The following CDCA8 variants were observed in gnomAD, a reference collection of about 807,000 sequenced individuals.
The protein encoded by CDCA8 is cell division cycle associated 8.
Under a neutral mutation model 40.0 loss-of-function variants are expected in CDCA8, and 25 were observed. The ratio of observed to expected loss-of-function variants is 0.63; its 90% CI spans 0.46 to 0.87. CDCA8 has a LOEUF of 0.87. CDCA8 is among the 40% of genes least tolerant of loss of function. The probability of loss-of-function intolerance (pLI) is 0.00; values close to 1 mark genes in which losing one functional copy is unlikely to be tolerated. For missense variants in CDCA8, 280 were observed against 348.4 expected, an observed-to-expected ratio of 0.80 and a Z score of 1.56; for synonymous variants, 111 against 126.5, an observed-to-expected ratio of 0.88 and a Z score of 0.82.
Position 37,707,013 on chromosome 1 carries a change from C to G in CDCA8, c.747C>G (p.His249Gln), listed in dbSNP as rs1194222539. Residue 249 changes from histidine to glutamine, a missense_variant, in exon 9 of 10, where the codon CAC becomes CAG. Transcript: ENST00000373055. ...TATTGGCCAGTGACTTGCAGAGGCACAGTATTGCCCAGCTGGATCCAGAGG... is the reference window on the plus strand; with the variant it reads ...TATTGGCCAGTGACTTGCAGAGGCAGAGTATTGCCCAGCTGGATCCAGAGG... The part of the protein sequence containing the change: ...LRLLASDLQR[H>Q]SIAQLDPEAL... The G allele has an allele frequency of 5.0e-6, 8 of 1,614,074 alleles. No homozygotes were observed. The highest frequency in any genetic ancestry group is 6.8e-6 in the Non-Finnish European group (8 of 1,180,016).
intron 7 of CDCA8, 68 bp downstream of exon 7, chr1:37,703,415 G>A: frequency 8.3e-7 from 1 of 1,201,698 alleles, no homozygotes; most frequent in Non-Finnish European, 1.2e-6. Flanking sequence ...GAGAAGGAGT[G>A]TCTAAGAAAA....
At position 37,692,548 on chromosome 1, in the gene CDCA8, G is replaced by GT. The variant is rs1240521082; in HGVS notation, c.-139dup. The GT allele has an allele frequency of 3.0e-6, 2 of 677,662 alleles. No homozygotes were observed. Among genetic ancestry groups the GT allele is most frequent in the African/African-American group, 3.6e-5 (2 of 55,656 alleles). 42.0% of individuals were successfully genotyped at this position (677,662 alleles called of 1,614,324 possible). A position where few individuals can be genotyped will look rare whatever the true frequency, so the allele number is the denominator to read the frequency against. On this transcript the variant is annotated 5_prime_UTR_variant, in exon 1 of 10. Coordinates refer to ENST00000373055, the MANE Select transcript of CDCA8 (RefSeq NM_001256875.2). ...CGCTCTCTCTCACTGGCACAGCGAG[G>GT]TTTTGCTCAGCCCTTGTCTCGGGAC...
chr1:37,702,618 G>T (rs893257480), intron 6 of CDCA8, among the ~76,000 whole-genome samples: 1 of 152,026 alleles, frequency 6.6e-6, no homozygotes, highest in African/African-American at 2.4e-5. Context: ...TTCCAGCTGG[G>T]GGAGCCTTCG....
chr1:37,699,331 A>T (rs1645547035), intron 4 of CDCA8, among the ~76,000 whole-genome samples: 1 of 152,236 alleles, frequency 6.6e-6, no homozygotes, highest in Non-Finnish European at 1.5e-5. Flanking sequence ...CAAGATTTAG[A>T]GAGGTGTTAA....
chr1:37,703,760 C>T (rs1459266911), intron 7 of CDCA8, among the ~76,000 whole-genome samples: 1 of 152,098 alleles, frequency 6.6e-6, no homozygotes, highest in African/African-American at 2.4e-5. Context: ...CCTGGGATGC[C>T]TTGTCAGAGG....
chr1:37,693,769 A>G (rs976754512), intron 2 of CDCA8, among the ~76,000 whole-genome samples: 15 of 152,210 alleles, frequency 9.9e-5, no homozygotes, highest in Non-Finnish European at 1.8e-4. Flanking sequence ...TGACATGGTT[A>G]GTTAACCAGA....
At chr1:37,703,872 T>TC (rs1645581205) in intron 7 of CDCA8, among the ~76,000 whole-genome samples, 2 of 152,218 alleles carry the variant, frequency 1.3e-5, no homozygotes, top group Non-Finnish European at 1.5e-5. Context: ...AGGTGAATAT[T>TC]CTGCCTGTGA....
chr1:37,703,284 T>C lies in CDCA8; in HGVS notation c.521T>C (p.Val174Ala). The change falls in exon 7 of 10, where the codon GTG (valine) becomes GCG (alanine). Residue 174 changes from valine to alanine, a missense_variant. Coordinates refer to ENST00000373055, the MANE Select transcript of CDCA8 (RefSeq NM_001256875.2). ...CGTGCTAACACTGTTACCCCAGCCGTGGGCCGATTGGAGGTGTCCATGGTC... is the reference window on the plus strand; with the variant it reads ...CGTGCTAACACTGTTACCCCAGCCGCGGGCCGATTGGAGGTGTCCATGGTC... ...SSRANTVTPAVGRLEVSMVKP... is the reference protein window; with the variant it reads ...SSRANTVTPAAGRLEVSMVKP... 1.2e-6 allele frequency: 2 copies of C among 1,613,928 alleles called. No homozygotes were observed. Among genetic ancestry groups the C allele is most frequent in the Non-Finnish European group, 1.7e-6 (2 of 1,179,958 alleles).
chr1:37,699,124 A>G (rs879111831), intron 4 of CDCA8, 147 bp downstream of exon 4: 6 of 601,062 alleles, frequency 1.0e-5, no homozygotes, highest in Non-Finnish European at 1.8e-5. Context: ...TTGCTTTTGG[A>G]TGGTGCATTT....
chr1:37,706,587 T>C (rs1268220229), intron 8 of CDCA8, among the ~76,000 whole-genome samples: 1 of 152,184 alleles, frequency 6.6e-6, no homozygotes, highest in Admixed American at 6.5e-5. Context: ...CACCGAGGTA[T>C]GCGCTTAGTC....
chr1:37,707,463 G>C (rs748233865), intron 9 of CDCA8, among the ~76,000 whole-genome samples: 1 of 152,204 alleles, frequency 6.6e-6, no homozygotes, highest in African/African-American at 2.4e-5. Context: ...CCTCTGGAGT[G>C]GTGGGGCCCA....
chr1:37,703,103 G>A (rs753190375), intron 6 of CDCA8, 149 bp from the exon 7 acceptor site: 8 of 697,390 alleles, frequency 1.1e-5, no homozygotes, highest in Non-Finnish European at 2.1e-5. Flanking sequence ...AGCAGTGCTG[G>A]CCTCCCGTGT....
Position 37,703,309 on chromosome 1 carries a change from C to G in CDCA8, c.546C>G (p.Val182=), listed in dbSNP as rs779585835. ...PAVGRLEVSM[V]KPTPGLTPRF... Reference sequence around the variant, plus strand: ...TGGGCCGATTGGAGGTGTCCATGGTCAAACCAACTCCAGGCCTGACACCCA... The same window carrying G: ...TGGGCCGATTGGAGGTGTCCATGGTGAAACCAACTCCAGGCCTGACACCCA... Residue 182 remains valine, a synonymous_variant, in exon 7 of 10, where the codon GTC becomes GTG. Coordinates refer to ENST00000373055, the MANE Select transcript of CDCA8 (RefSeq NM_001256875.2). The G allele has an allele frequency of 6.2e-7, 1 of 1,613,884 alleles. No homozygotes were observed. The highest frequency in any genetic ancestry group is 1.3e-5 in the African/African-American group (1 of 74,898).
At chr1:37,701,408 C>T (rs900805580) in intron 5 of CDCA8, among the ~76,000 whole-genome samples, 3 of 152,150 alleles carry the variant, frequency 2.0e-5, no homozygotes, top group African/African-American at 7.2e-5. Context: ...GGGAGCACTG[C>T]AGGGTTTGCC....
rs898152388 is a variant in CDCA8, at chr1:37,709,687, C to G, written c.*1321C>G. 6.6e-6 allele frequency: 1 copy of G among 152,142 alleles called. No homozygotes were observed. The highest frequency in any genetic ancestry group is 1.5e-5 in the Non-Finnish European group (1 of 68,024). The allele number at this position is 152,142 out of a possible 1,614,324, so 9.4% of individuals were successfully genotyped here. Reference sequence around the variant, plus strand: ...TCTAATCAGAGCTGGTACCTACTTTCAATAAATTCTGGTTTTGTGTTTTCT... The same window carrying G: ...TCTAATCAGAGCTGGTACCTACTTTGAATAAATTCTGGTTTTGTGTTTTCT... On this transcript the variant is annotated 3_prime_UTR_variant, in exon 10 of 10. Transcript: ENST00000373055.
rs1423444159 is a variant in CDCA8, at chr1:37,698,941, G to C, written c.301G>C (p.Ala101Pro). ...TATCACCGAAATAAACAAACTAACA[G>C]CAGAAGCTATTCAGACACCCCTGAA... is the stretch of plus-strand genomic sequence containing the variant. ...LDITEINKLT[A>P]EAIQTPLKSA... is the part of the protein sequence containing the mutation. Residue 101 changes from alanine (A) to proline (P), a missense_variant, in exon 4 of 10, where the codon GCA becomes CCA. By Grantham distance (27) the Ala-to-Pro change is conservative (BLOSUM62 -1). Coordinates refer to ENST00000373055, the MANE Select transcript of CDCA8 (RefSeq NM_001256875.2). The C allele has an allele frequency of 1.8e-5, 29 of 1,613,884 alleles. No individual in the cohort carries two copies. The highest frequency in any genetic ancestry group is 2.3e-5 in the Non-Finnish European group (27 of 1,179,796).
chr1:37,707,059 C>G lies in CDCA8; in HGVS notation c.793C>G (p.Leu265Val), dbSNP rs1452342142. The G allele has an allele frequency of 6.2e-7, 1 of 1,613,296 alleles. No individual in the cohort carries two copies. ...AGAGGCCTTGGGAAACATTAAGAAG[C>G]TCTCCGTAAGTCTCATATTCATCTC... ...DPEALGNIKK[L>V]SNRLAQICSS... The change falls in exon 9 of 10, where the codon CTC becomes GTC. Residue 265 changes from leucine (L) to valine (V), a missense_variant. Leu to Val is a conservative substitution (Grantham distance 32, BLOSUM62 1). Transcript: ENST00000373055.
rs781119414 is a variant in CDCA8 at position 37,700,520 on chromosome 1, G to C, written c.422G>C (p.Arg141Thr). ...ENERKNLQTA[R>T]VKRCPPSKKR... ...GAACGTAAGAATCTTCAAACTGCAAGAGTAAGTGGACACTGAGGTTGGAGG... is the reference window on the plus strand; with the variant it reads ...GAACGTAAGAATCTTCAAACTGCAACAGTAAGTGGACACTGAGGTTGGAGG... The change falls in exon 5 of 10, where the codon AGA becomes ACA. Residue 141 changes from arginine (R) to threonine (T), a missense_variant and splice_region_variant. Coordinates refer to ENST00000373055, the MANE Select transcript of CDCA8 (RefSeq NM_001256875.2). The C allele has an allele frequency of 1.9e-6, 3 of 1,591,350 alleles. No homozygotes were observed. The African/African-American group carries it at 4.0e-5, about 21-fold the overall frequency.
At chr1:37,695,808 G>A in intron 2 of CDCA8, 102 bp from the exon 3 acceptor site, 1 of 989,928 alleles carries the variant, frequency 1.0e-6, no homozygotes. Context: ...GTCCTTGAAG[G>A]TTAGACCAAG....
Sources: allele counts gnomAD v4.1 joint callset (sites outside exome capture counted in the v4.1 genomes callset), GRCh38; gene constraint gnomAD v4.1.1; transcripts MANE v1.5; gene names NCBI Gene and HGNC (gene_info 2026-07-23, HGNC 2026-07-21).